The following KLHL3 variants were observed in gnomAD, a reference collection of about 807,000 sequenced individuals.
KLHL3 encodes the protein kelch like family member 3.
Under a neutral mutation model 70.5 loss-of-function variants are expected in KLHL3, and 19 were observed. The observed-to-expected ratio is 0.27, with a 90% confidence interval of 0.19 to 0.40. The LOEUF is 0.40. Ranked by LOEUF, KLHL3 falls within the 10% of genes least tolerant of loss-of-function variation. The pLI is 1.00. For synonymous variants in KLHL3, 258 were observed against 290.3 expected (o/e 0.89, Z 1.13); for missense variants, 512 against 771.1 (o/e 0.66, Z 3.98).
At chr5:137,710,817 C>G (rs911663325) in intron 2 of KLHL3, among the ~76,000 whole-genome samples, 1 of 152,124 alleles carries the variant, frequency 6.6e-6, no homozygotes, top group Non-Finnish European at 1.5e-5. Context: ...TCTACCACCC[C>G]ATGAGATAGG....
At chr5:137,699,179 G>C (rs1324920624) in intron 3 of KLHL3, among the ~76,000 whole-genome samples, 5 of 152,196 alleles carry the variant, frequency 3.3e-5, no homozygotes, top group Admixed American at 3.3e-4. Flanking sequence ...GGTCACATTT[G>C]AGAGAGGTAT....
intron 6 of KLHL3, among the ~76,000 whole-genome samples, chr5:137,670,627 G>A (rs1751730567): frequency 6.6e-6 from 1 of 152,012 alleles, no homozygotes; most frequent in Non-Finnish European, 1.5e-5. Context: ...TGTTCAGCCA[G>A]TGTCTCCTAA....
rs1369564254 is a variant in KLHL3, at chr5:137,639,711, C to A, written c.1021+149G>T. 8.1e-5 allele frequency: 41 copies of A among 504,656 alleles called. No homozygotes were observed. Among genetic ancestry groups the A allele is most frequent in the African/African-American group, 1.9e-4 (9 of 47,692 alleles). The allele number at this position is 504,656 out of a possible 1,614,324, so 31.3% of individuals were successfully genotyped here. On this transcript the variant is annotated intron_variant, in intron 9 of 14. Coordinates refer to ENST00000309755, the MANE Select transcript of KLHL3 (RefSeq NM_017415.3). This position sits in a 1 kb window ranked among gnomAD's most constrained non-coding sequence, Gnocchi z 5.0. Reference sequence around the variant, plus strand: ...TCTGTCTTAAAACAACGACAACAACCAAAAAAAAAAAAAAAGTGTGCAGGA... The same window carrying A: ...TCTGTCTTAAAACAACGACAACAACAAAAAAAAAAAAAAAAGTGTGCAGGA...
intron 8 of KLHL3, 92 bp from the exon 9 acceptor site, chr5:137,640,069 G>A (rs187019914): frequency 3.1e-4 from 332 of 1,058,152 alleles, no homozygotes; most frequent in Non-Finnish European, 4.4e-4. Context: ...CGCCCAGGGT[G>A]TGTGGATGAT....
chr5:137,637,251 T>G (rs942223671), intron 11 of KLHL3, 43 bp downstream of exon 11: 1 of 1,528,036 alleles, frequency 6.5e-7, no homozygotes. Context: ...ACAAGGCCCG[T>G]GGGCCAGGTA....
chr5:137,628,728 GACAGACAT>G (rs1213740645), intron 12 of KLHL3: 14,532 of 88,982 alleles, frequency 0.16, 905 homozygotes, highest in Non-Finnish European at 0.2. Flanking sequence ...CACACAGACA[GACAGACAT>G]ACATACATAC....
At chr5:137,698,712 T>C (rs140527291) in intron 3 of KLHL3, among the ~76,000 whole-genome samples, 1 of 152,190 alleles carries the variant, frequency 6.6e-6, no homozygotes, top group Non-Finnish European at 1.5e-5. Flanking sequence ...TAAACTTCCA[T>C]ATACAAGGCC....
At chr5:137,628,817 C>G (rs924484047) in intron 12 of KLHL3, 2 of 156,784 alleles carry the variant, frequency 1.3e-5, no homozygotes, top group Admixed American at 6.5e-5. Context: ...ACAAAAAATA[C>G]TGAAATAAAT....
rs536153512 is a variant in KLHL3 at position 137,620,198 on chromosome 5, T to A, written c.*1900A>T. 6.6e-6 allele frequency: 1 copy of A among 152,360 alleles called. No individual in the cohort carries two copies. The highest frequency in any genetic ancestry group is 6.5e-5 in the Admixed American group (1 of 15,300). The allele number at this position is 152,360 out of a possible 1,614,324, so 9.4% of individuals were successfully genotyped here. Reference sequence around the variant, plus strand: ...CTTCCAGGTCCCCCAAAGCTGGATATTTTAGCCTCTTCTGAAGGCTTCTAA... The same window carrying A: ...CTTCCAGGTCCCCCAAAGCTGGATAATTTAGCCTCTTCTGAAGGCTTCTAA... On this transcript the variant is annotated 3_prime_UTR_variant, in exon 15 of 15. Transcript: ENST00000309755.
chr5:137,734,958 ATCTTT>A (rs2149941924), intron 1 of KLHL3, among the ~76,000 whole-genome samples: 1 of 152,330 alleles, frequency 6.6e-6, no homozygotes, highest in East Asian at 1.9e-4. Flanking sequence ...AGTACTTAAA[ATCTTT>A]TCTGCTGGTT....
intron 1 of KLHL3, among the ~76,000 whole-genome samples, chr5:137,730,233 A>G (rs759605548): frequency 2.0e-5 from 3 of 152,174 alleles, no homozygotes; most frequent in Non-Finnish European, 4.4e-5. Flanking sequence ...GCTTTTAATA[A>G]CAATGTCCAC....
At chr5:137,655,755 G>A (rs567050968) in intron 8 of KLHL3, among the ~76,000 whole-genome samples, 1 of 152,220 alleles carries the variant, frequency 6.6e-6, no homozygotes, top group East Asian at 1.9e-4. Flanking sequence ...AGGCCAAGGT[G>A]GGTGGACTGC....
chr5:137,709,156 AACTGAATGCCAGAT>A (rs1208290060), intron 3 of KLHL3, among the ~76,000 whole-genome samples: 8 of 152,236 alleles, frequency 5.3e-5, no homozygotes, highest in African/African-American at 1.9e-4. Context: ...AAGGTGCTGA[AACTGAATGCCAGAT>A]ATTGATTATA....
chr5:137,702,013 T>G (rs973343363), intron 3 of KLHL3, among the ~76,000 whole-genome samples: 1 of 152,226 alleles, frequency 6.6e-6, no homozygotes, highest in Non-Finnish European at 1.5e-5. Context: ...GCTCATTTAT[T>G]CAATTCACCA....
chr5:137,685,161 T>C (rs1221740009), intron 5 of KLHL3, among the ~76,000 whole-genome samples: 2 of 152,244 alleles, frequency 1.3e-5, no homozygotes, highest in Non-Finnish European at 2.9e-5. Context: ...CTTTTTAATG[T>C]ACATTCTCTT....
rs1751480331 is a variant in KLHL3, at chr5:137,661,753, A to G, written c.753+162T>C. 7.2e-6 allele frequency: 4 copies of G among 553,000 alleles called. No individual in the cohort carries two copies. The South Asian group carries it at 1.1e-4, about 15-fold the overall frequency. 34.3% of individuals were successfully genotyped at this position (553,000 alleles called of 1,614,324 possible). A position where few individuals can be genotyped will look rare whatever the true frequency, so the allele number is the denominator to read the frequency against. ...GTCCTATTTTCAAGCCTATGCTCTT[A>G]AACTTTACAACACCTAACACTTAAC... On this transcript the variant is annotated intron_variant, in intron 7 of 14. Transcript: ENST00000309755.
chr5:137,725,405 T>C (rs2149937557), intron 1 of KLHL3, among the ~76,000 whole-genome samples: 1 of 152,330 alleles, frequency 6.6e-6, no homozygotes, highest in Non-Finnish European at 1.5e-5. Flanking sequence ...GAGCAAAAAC[T>C]GGCCCCAGAT....
intron 13 of KLHL3, among the ~76,000 whole-genome samples, chr5:137,626,549 A>T (rs913590957): frequency 3.3e-5 from 5 of 152,224 alleles, no homozygotes; most frequent in Non-Finnish European, 7.3e-5. Context: ...CCACAGTCCA[A>T]TATGTTGTGT....
At chr5:137,643,016 A>AT (rs1341203935) in intron 8 of KLHL3, among the ~76,000 whole-genome samples, 4 of 151,984 alleles carry the variant, frequency 2.6e-5, no homozygotes, top group Non-Finnish European at 4.4e-5. Flanking sequence ...AGAAATGCAA[A>AT]TTTTTTAATG....
Sources: allele counts gnomAD v4.1 joint callset (sites outside exome capture counted in the v4.1 genomes callset), GRCh38; gene constraint gnomAD v4.1.1; non-coding constraint Gnocchi (gnomAD v3.1); transcripts MANE v1.5; gene names NCBI Gene and HGNC (gene_info 2026-07-23, HGNC 2026-07-21).